The following SGCZ variants were observed in gnomAD, a reference collection of about 807,000 sequenced individuals.
SGCZ encodes the protein sarcoglycan zeta, also known as zeta-sarcoglycan.
A neutral mutation model predicts 41.3 loss-of-function variants in SGCZ; 40 were observed. The ratio of observed to expected loss-of-function variants is 0.97; its 90% CI spans 0.75 to 1.26. The LOEUF (loss-of-function observed/expected upper bound fraction) is 1.26. Ranked by LOEUF, SGCZ falls within the 50% of genes most tolerant of loss-of-function variation. SGCZ has a pLI of 0.00. For synonymous variants in SGCZ, 206 were observed against 137.5 expected, an observed-to-expected ratio of 1.50 and a Z score of -3.49; for missense variants, 552 against 369.8, an observed-to-expected ratio of 1.49 and a Z score of -4.04.
At chr8:14,388,264 A>C (rs561427665) in intron 2 of SGCZ, among the ~76,000 whole-genome samples, 158 of 152,296 alleles carry the variant, frequency 1.0e-3, no homozygotes, top group African/African-American at 3.7e-3. Flanking sequence ...CAAAAATAAA[A>C]TATCACAGTT....
At chr8:14,740,894 C>T (rs1263719034) in intron 1 of SGCZ, among the ~76,000 whole-genome samples, 1 of 151,942 alleles carries the variant, frequency 6.6e-6, no homozygotes, top group East Asian at 1.9e-4. Flanking sequence ...GAGGTTTCTT[C>T]GCCAGCACCC....
intron 1 of SGCZ, among the ~76,000 whole-genome samples, chr8:14,859,230 C>T (rs1803641732): frequency 6.6e-6 from 1 of 152,008 alleles, no homozygotes; most frequent in Admixed American, 6.6e-5. Context: ...TCAATAAAAG[C>T]AGTCTTTATC....
chr8:14,128,933 G>T (rs1393976469), intron 5 of SGCZ, among the ~76,000 whole-genome samples: 1 of 152,144 alleles, frequency 6.6e-6, no homozygotes, highest in Non-Finnish European at 1.5e-5. Flanking sequence ...TCCAAAAGTG[G>T]ACGGTGGAGA....
At chr8:14,615,543 G>A (rs1414916869) in intron 1 of SGCZ, among the ~76,000 whole-genome samples, 1 of 152,168 alleles carries the variant, frequency 6.6e-6, no homozygotes, top group Non-Finnish European at 1.5e-5. Context: ...CAAGAATATA[G>A]TAAGAAAAAA....
At chr8:14,665,598 A>G (rs1477754987) in intron 1 of SGCZ, among the ~76,000 whole-genome samples, 1 of 152,190 alleles carries the variant, frequency 6.6e-6, no homozygotes. Context: ...CAAGTGTTCA[A>G]TAGACATTAG....
rs114072059 is a variant in SGCZ at position 14,735,044 on chromosome 8, G to A, written c.40-180118C>T. ...AACAGTTTATTCAAATAAGTATGAA[G>A]CATAGAATACACAAAGACTGAGTGC... On this transcript the variant is annotated intron_variant, in intron 1 of 7. Transcript: ENST00000382080. Among the ~76,000 whole-genome samples the A allele has an allele frequency of 5.1e-3, 774 of 152,236 alleles. 5 individuals carry two copies. The highest frequency in any genetic ancestry group is 0.018 in the African/African-American group (743 of 41,536).
rs116349916 is a variant in SGCZ at position 14,734,426 on chromosome 8, C to T, written c.40-179500G>A. Among the ~76,000 whole-genome samples, 5 of 152,070 alleles carry T rather than the reference C, an allele frequency of 3.3e-5. No individual in the cohort carries two copies. The South Asian group carries it at 6.2e-4, about 19-fold the overall frequency. On this transcript the variant is annotated intron_variant, in intron 1 of 7. Transcript: ENST00000382080. ...AAAGAAGTGCTATGATACAAATTCACGCATTTGCCCCGAAACTTTTATAAC... is the reference window on the plus strand; with the variant it reads ...AAAGAAGTGCTATGATACAAATTCATGCATTTGCCCCGAAACTTTTATAAC...
rs1401692619 is a variant in SGCZ, at chr8:14,164,842, T to A, written c.425-140A>T. On this transcript the variant is annotated intron_variant, in intron 4 of 7. Transcript: ENST00000382080. ...TATGTTTTGCATCTGAGTTAGTATC[T>A]TTAAATTGTCACCATTTTCAGGAGG... 16 of 1,107,676 alleles carry A rather than the reference T, an allele frequency of 1.4e-5. No homozygotes were observed. In the East Asian group the frequency reaches 4.2e-4, roughly 29 times the overall value. 68.6% of individuals were successfully genotyped at this position (1,107,676 alleles called of 1,614,324 possible).
chr8:14,106,451 A>C (rs1402959707), intron 6 of SGCZ, among the ~76,000 whole-genome samples: 1 of 148,910 alleles, frequency 6.7e-6, no homozygotes, highest in Admixed American at 6.8e-5. Flanking sequence ...TCCTTGAAGA[A>C]GGCCACTTTT....
At chr8:15,107,404 A>T (rs1181516521) in intron 1 of SGCZ, among the ~76,000 whole-genome samples, 1 of 152,156 alleles carries the variant, frequency 6.6e-6, no homozygotes, top group Non-Finnish European at 1.5e-5. Context: ...ATAGATTAAT[A>T]ACCTCCTTCA....
chr8:14,655,793 C>T (rs1410775930), intron 1 of SGCZ, among the ~76,000 whole-genome samples: 1 of 152,154 alleles, frequency 6.6e-6, no homozygotes, highest in Non-Finnish European at 1.5e-5. Flanking sequence ...TAACACTAAG[C>T]AACCAATAAT....
chr8:15,010,870 G>A (rs1043507446), intron 1 of SGCZ, among the ~76,000 whole-genome samples: 4 of 152,166 alleles, frequency 2.6e-5, no homozygotes, highest in Admixed American at 6.5e-5. Flanking sequence ...ACAATAATTT[G>A]CACAGATGCT....
chr8:14,981,268 C>T (rs2130880135), intron 1 of SGCZ, among the ~76,000 whole-genome samples: 1 of 152,304 alleles, frequency 6.6e-6, no homozygotes, highest in Non-Finnish European at 1.5e-5. Flanking sequence ...AAATCAGTTA[C>T]ATAATAGTTC....
chr8:14,904,503 C>G (rs1799067366), intron 1 of SGCZ, among the ~76,000 whole-genome samples: 1 of 151,896 alleles, frequency 6.6e-6, no homozygotes, highest in South Asian at 2.1e-4. Context: ...TTTCTGTAAA[C>G]TAGAAGCATT....
chr8:14,432,108 G>A lies in SGCZ; in HGVS notation c.235-107904C>T, dbSNP rs182039410. Among the ~76,000 whole-genome samples the A allele has an allele frequency of 7.9e-4, 120 of 152,232 alleles. 2 individuals are homozygous for A. The highest frequency in any genetic ancestry group is 6.8e-3 in the Middle Eastern group (2 of 294). ...GAATGTAAACTAATATAACCACTAC[G>A]GAAAACACTGTGGAGATTCTTTGAA... On this transcript the variant is annotated intron_variant, in intron 2 of 7. Transcript: ENST00000382080.
At chr8:14,305,707 G>A (rs958168559) in intron 3 of SGCZ, among the ~76,000 whole-genome samples, 1 of 152,146 alleles carries the variant, frequency 6.6e-6, no homozygotes, top group African/African-American at 2.4e-5. Flanking sequence ...TCCCATCGCT[G>A]TATTTCCCTT....
intron 1 of SGCZ, among the ~76,000 whole-genome samples, chr8:14,875,863 T>C (rs1804340001): frequency 1.3e-5 from 2 of 152,124 alleles, no homozygotes; most frequent in African/African-American, 4.8e-5. Flanking sequence ...AAAATGGGGA[T>C]AACATCACCC....
At chr8:14,388,102 T>C (rs1033140130) in intron 2 of SGCZ, among the ~76,000 whole-genome samples, 1 of 152,180 alleles carries the variant, frequency 6.6e-6, no homozygotes, top group African/African-American at 2.4e-5. Context: ...AAATGGTAAA[T>C]TTGAAGTGAA....
rs1437695169 is a variant in SGCZ, at chr8:14,321,141, T to C, written c.336+2962A>G. 3.3e-5 allele frequency among the ~76,000 whole-genome samples: 5 copies of C among 152,242 alleles called. 1 individual carries two copies. Among genetic ancestry groups the C allele is most frequent in the Admixed American group, 3.3e-4 (5 of 15,262 alleles). ...TAGCCCAGATTACACATCTTTTGTATTGTTCTTGTCTGAATAGTATTATAT... is the reference window on the plus strand; with the variant it reads ...TAGCCCAGATTACACATCTTTTGTACTGTTCTTGTCTGAATAGTATTATAT... On this transcript the variant is annotated intron_variant, in intron 3 of 7. Coordinates refer to ENST00000382080, the MANE Select transcript of SGCZ (RefSeq NM_139167.4).
Sources: allele counts gnomAD v4.1 joint callset (sites outside exome capture counted in the v4.1 genomes callset), GRCh38; gene constraint gnomAD v4.1.1; transcripts MANE v1.5; gene names NCBI Gene and HGNC (gene_info 2026-07-23, HGNC 2026-07-21).